Variants in PCDHA1 observed in about 807,000 individuals in gnomAD.
PCDHA1 encodes protocadherin alpha-1.
PCDHA1 carries 42 observed loss-of-function variants against 61.3 expected under a neutral mutation model. The observed-to-expected ratio is 0.69, with a 90% CI of 0.54 to 0.89. PCDHA1 has a LOEUF of 0.89. PCDHA1 is among the 40% of genes least tolerant of loss of function. The pLI, the probability that PCDHA1 is intolerant of heterozygous loss-of-function variation, is 0.00. For synonymous variants in PCDHA1, 610 were observed against 553.8 expected (o/e 1.10, Z -1.43); for missense variants, 1,256 against 1,235.3 (o/e 1.02, Z -0.25).
chr5:140,991,386 G>T (rs1044991848), intron 3 of PCDHA1, among the ~76,000 whole-genome samples: 2 of 152,168 alleles, frequency 1.3e-5, no homozygotes, highest in African/African-American at 4.8e-5. Context: ...CAACTGTAGG[G>T]TGTCTGTATT....
At chr5:140,959,607 C>T (rs2095500489) in intron 1 of PCDHA1, among the ~76,000 whole-genome samples, 1 of 151,986 alleles carries the variant, frequency 6.6e-6, no homozygotes, top group African/African-American at 2.4e-5. Flanking sequence ...ACATGCTTTT[C>T]TTGCTTGTGA....
chr5:140,969,401 T>A, intron 1 of PCDHA1: 1 of 1,579,566 alleles, frequency 6.3e-7, no homozygotes, highest in Non-Finnish European at 8.6e-7. Flanking sequence ...ATCCTGTGAT[T>A]TGGCTTTATT....
intron 1 of PCDHA1, among the ~76,000 whole-genome samples, chr5:140,977,977 C>T (rs193229659): frequency 2.0e-5 from 3 of 152,222 alleles, no homozygotes; most frequent in South Asian, 2.1e-4. Context: ...CCCATGAAAA[C>T]GCATCTAGAG....
Position 140,848,448 on chromosome 5 carries a change from T to G in PCDHA1, c.2394+59764T>G, listed in dbSNP as rs2150410519. 45 of 1,511,666 alleles carry G rather than the reference T, an allele frequency of 3.0e-5. 2 individuals carry two copies. The highest frequency in any genetic ancestry group is 3.9e-5 in the Non-Finnish European group (43 of 1,111,010). 93.6% of individuals were successfully genotyped at this position (1,511,666 alleles called of 1,614,324 possible). The stretch of plus-strand genomic sequence containing the variant: ...ACTGACGAAATCAGATGATTTCTTC[T>G]AATTTGGAGGCAATTTTCACTAATT... On this transcript the variant is annotated intron_variant, in intron 1 of 3. Transcript: ENST00000504120.
chr5:140,941,194 TC>T lies in PCDHA1; in HGVS notation c.2395-37754del, dbSNP rs1420421121. 9.3e-3 allele frequency among the ~76,000 whole-genome samples: 1,044 copies of T among 112,328 alleles called. 8 individuals carry two copies. The highest frequency in any genetic ancestry group is 0.018 in the Admixed American group (200 of 11,012). 73.7% of individuals were successfully genotyped at this position (112,328 alleles called of 152,430 possible). The stretch of plus-strand genomic sequence containing the variant: ...CTTGAACATCCTGCTTCTTTTTTTT[TC>T]TTTCTTCCTTTCTTTCTTCCTTTCT... On this transcript the variant is annotated intron_variant, in intron 1 of 3. Coordinates refer to ENST00000504120, the MANE Select transcript of PCDHA1 (RefSeq NM_018900.4).
intron 1 of PCDHA1, among the ~76,000 whole-genome samples, chr5:140,844,826 C>T (rs1554140734): frequency 6.7e-6 from 1 of 149,170 alleles, no homozygotes; most frequent in East Asian, 1.9e-4. Context: ...TGTCTTTTTA[C>T]ACGTTTGCTT....
At chr5:140,855,534 G>C (rs2043511154) in intron 1 of PCDHA1, among the ~76,000 whole-genome samples, 1 of 149,850 alleles carries the variant, frequency 6.7e-6, no homozygotes, top group Non-Finnish European at 1.5e-5. Context: ...AGAGAAGTAA[G>C]TTAAGTGTCA....
chr5:140,830,610 TTTA>T lies in PCDHA1; in HGVS notation c.2394+41929_2394+41931del, dbSNP rs1771162237. 8.1e-6 allele frequency: 5 copies of T among 618,590 alleles called. No homozygotes were observed. In the East Asian group the frequency reaches 1.0e-4, roughly 13 times the overall value. The allele number at this position is 618,590 out of a possible 1,614,324, so 38.3% of individuals were successfully genotyped here. On this transcript the variant is annotated intron_variant, in intron 1 of 3. Transcript: ENST00000504120. ...ATTTTACAAAATTACATATTTTCAT[TTTA>T]TTGTGTTTCTTATTTTAATCTCTTT...
At chr5:140,838,851 G>A (rs1275085955) in intron 1 of PCDHA1, among the ~76,000 whole-genome samples, 1 of 151,804 alleles carries the variant, frequency 6.6e-6, no homozygotes, top group African/African-American at 2.4e-5. Context: ...AAGCCAGGGA[G>A]GTCCAAGCTG....
chr5:140,951,210 G>C (rs541010152), intron 1 of PCDHA1, among the ~76,000 whole-genome samples: 4 of 151,862 alleles, frequency 2.6e-5, no homozygotes, highest in African/African-American at 9.7e-5. Flanking sequence ...TGTCATCTCA[G>C]GTTTGGATTC....
intron 1 of PCDHA1, chr5:140,842,643 T>C (rs1391862843): frequency 6.3e-7 from 1 of 1,595,190 alleles, no homozygotes; most frequent in Non-Finnish European, 8.6e-7. Flanking sequence ...ACCGCCAGCT[T>C]GTCTGTGGAG....
chr5:140,803,958 T>G, intron 1 of PCDHA1: 1 of 335,646 alleles, frequency 3.0e-6, no homozygotes, highest in Non-Finnish European at 5.4e-6. Context: ...TTCAATATCT[T>G]TTGCCACTTT....
intron 1 of PCDHA1, chr5:140,876,161 T>C (rs1582262337): frequency 6.2e-7 from 1 of 1,613,960 alleles, no homozygotes; most frequent in Non-Finnish European, 8.5e-7. Flanking sequence ...CAGATTCAAA[T>C]AACCGTCCTG....
chr5:140,853,755 C>A, intron 1 of PCDHA1: 3 of 988,492 alleles, frequency 3.0e-6, no homozygotes, highest in Non-Finnish European at 3.7e-6. Flanking sequence ...CAAGGCTCCA[C>A]CTCAGAAATT....
intron 1 of PCDHA1, among the ~76,000 whole-genome samples, chr5:140,963,173 G>C (rs2095742129): frequency 6.6e-6 from 1 of 151,942 alleles, no homozygotes; most frequent in Non-Finnish European, 1.5e-5. Flanking sequence ...CCATCTTACA[G>C]ATATGCTGTA....
chr5:140,807,031 GA>G, intron 1 of PCDHA1: 1 of 901,876 alleles, frequency 1.1e-6, no homozygotes, highest in Non-Finnish European at 1.7e-6. Context: ...GAAGGAGGAA[GA>G]AGGGAAAATT....
At chr5:140,848,357 TG>T in intron 1 of PCDHA1, 1 of 1,035,374 alleles carries the variant, frequency 9.7e-7, no homozygotes, top group Non-Finnish European at 1.4e-6. Flanking sequence ...CCTTTTCCCA[TG>T]GGAAAGAGGC....
At chr5:140,950,746 T>C (rs2094515579) in intron 1 of PCDHA1, among the ~76,000 whole-genome samples, 1 of 152,138 alleles carries the variant, frequency 6.6e-6, no homozygotes, top group Non-Finnish European at 1.5e-5. Context: ...AATTTCTCTC[T>C]ATCCTTTCTG....
intron 1 of PCDHA1, chr5:140,803,008 A>G: frequency 6.2e-7 from 1 of 1,613,998 alleles, no homozygotes. Context: ...TCAGGCTACA[A>G]CGCGTGGCTT....
Sources: allele counts gnomAD v4.1 joint callset (sites outside exome capture counted in the v4.1 genomes callset), GRCh38; gene constraint gnomAD v4.1.1; transcripts MANE v1.5; gene names NCBI Gene and HGNC (gene_info 2026-07-23, HGNC 2026-07-21).